PPP3CA: variants seen among roughly 807,000 people sequenced by gnomAD.
PPP3CA encodes the protein protein phosphatase 3 catalytic subunit alpha.
A neutral mutation model predicts 66.5 loss-of-function variants in PPP3CA; 14 were observed. The observed-to-expected ratio is 0.21, with a 90% CI of 0.14 to 0.33. The LOEUF (loss-of-function observed/expected upper bound fraction) is 0.33, where lower values mean the gene tolerates loss of function less well. PPP3CA is among the 10% of genes least tolerant of loss of function. PPP3CA has a pLI of 1.00. For missense variants in PPP3CA, 317 were observed against 639.5 expected (o/e 0.50, Z 5.44); for synonymous variants, 232 against 226.2 (o/e 1.03, Z -0.23).
At chr4:101,203,609 T>C (rs1725037238) in intron 1 of PPP3CA, among the ~76,000 whole-genome samples, 1 of 152,196 alleles carries the variant, frequency 6.6e-6, no homozygotes, top group African/African-American at 2.4e-5. Context: ...AATTTCAAAA[T>C]AGTTTTTAAA....
At chr4:101,221,708 G>A (rs1725630565) in intron 1 of PPP3CA, among the ~76,000 whole-genome samples, 1 of 151,534 alleles carries the variant, frequency 6.6e-6, no homozygotes, top group Non-Finnish European at 1.5e-5. Flanking sequence ...TTCATGGTTC[G>A]TGAATGTCAA....
At chr4:101,164,699 T>A (rs1416933946) in intron 2 of PPP3CA, among the ~76,000 whole-genome samples, 1 of 152,084 alleles carries the variant, frequency 6.6e-6, no homozygotes, top group Non-Finnish European at 1.5e-5. Flanking sequence ...GACTTGGATT[T>A]CATGGACCAG....
chr4:101,197,985 TGA>T (rs1189433914), intron 1 of PPP3CA, among the ~76,000 whole-genome samples: 1 of 152,256 alleles, frequency 6.6e-6, no homozygotes, highest in Non-Finnish European at 1.5e-5. Context: ...ATTCTAATAC[TGA>T]GAGATATTTA....
intron 1 of PPP3CA, among the ~76,000 whole-genome samples, chr4:101,280,101 C>T (rs537831276): frequency 4.6e-5 from 7 of 151,928 alleles, no homozygotes; most frequent in Admixed American, 2.0e-4. Flanking sequence ...AACACATTAG[C>T]GAATAAAATG....
At chr4:101,060,405 T>C (rs1017269759) in intron 10 of PPP3CA, among the ~76,000 whole-genome samples, 3 of 152,238 alleles carry the variant, frequency 2.0e-5, no homozygotes, top group Admixed American at 6.6e-5. Context: ...GCTCTTATGC[T>C]TTTCTTCTCT....
At chr4:101,316,600 C>G (rs532738223) in intron 1 of PPP3CA, among the ~76,000 whole-genome samples, 1 of 152,220 alleles carries the variant, frequency 6.6e-6, no homozygotes, top group South Asian at 2.1e-4. Flanking sequence ...GGATATTTAT[C>G]ATCTAAAATT....
In PPP3CA at chr4:101,276,904, T is replaced by C. The variant is rs115392129; in HGVS notation, c.58+69835A>G. On this transcript the variant is annotated intron_variant, in intron 1 of 13. Coordinates refer to ENST00000394854, the MANE Select transcript of PPP3CA (RefSeq NM_000944.5). ...TATTAACTAAAGCCCACAGTTTACA[T>C]TGAGGTTCATTCTTTGTGTTACACA... 5.0e-3 allele frequency among the ~76,000 whole-genome samples: 759 copies of C among 152,072 alleles called. 6 individuals are homozygous for C. The highest frequency in any genetic ancestry group is 0.017 in the African/African-American group (711 of 41,480).
intron 1 of PPP3CA, among the ~76,000 whole-genome samples, chr4:101,324,077 C>T (rs1729122215): frequency 6.6e-6 from 1 of 150,794 alleles, no homozygotes; most frequent in African/African-American, 2.4e-5. Flanking sequence ...CACTGCACTC[C>T]AGCCTGGGTG....
intron 1 of PPP3CA, among the ~76,000 whole-genome samples, chr4:101,259,445 C>T (rs1366921772): frequency 6.6e-6 from 1 of 152,080 alleles, no homozygotes; most frequent in Non-Finnish European, 1.5e-5. Context: ...CAGTTGCCCT[C>T]CACTCCACAG....
intron 1 of PPP3CA, among the ~76,000 whole-genome samples, chr4:101,320,517 C>T (rs746619468): frequency 5.1e-4 from 77 of 151,650 alleles, no homozygotes; most frequent in African/African-American, 1.1e-3. Context: ...CACACATACA[C>T]AGACAATATG....
intron 1 of PPP3CA, among the ~76,000 whole-genome samples, chr4:101,225,087 G>C (rs1725739172): frequency 6.6e-6 from 1 of 151,600 alleles, no homozygotes; most frequent in Admixed American, 6.6e-5. Flanking sequence ...ACCCCCTTTA[G>C]GTCTTCCTAC....
chr4:101,262,781 G>T (rs942508515), intron 1 of PPP3CA, among the ~76,000 whole-genome samples: 1 of 152,110 alleles, frequency 6.6e-6, no homozygotes, highest in Admixed American at 6.6e-5. Context: ...AAGCTTATGT[G>T]AGCTCTAACT....
chr4:101,103,645 C>A (rs1373814383), intron 3 of PPP3CA, among the ~76,000 whole-genome samples: 1 of 152,206 alleles, frequency 6.6e-6, no homozygotes, highest in Non-Finnish European at 1.5e-5. Context: ...AAACACAACA[C>A]CTCTTCACAC....
At chr4:101,045,416 A>C (rs1727718826) in intron 10 of PPP3CA, among the ~76,000 whole-genome samples, 1 of 152,210 alleles carries the variant, frequency 6.6e-6, no homozygotes, top group African/African-American at 2.4e-5. Context: ...GAAAATCTGC[A>C]AATGCTACAA....
intron 1 of PPP3CA, among the ~76,000 whole-genome samples, chr4:101,245,063 A>G (rs1360608566): frequency 3.9e-5 from 6 of 152,312 alleles, no homozygotes; most frequent in African/African-American, 1.2e-4. Flanking sequence ...AGATTCGTGA[A>G]TAGTTTTTCC....
chr4:101,110,783 A>G (rs1178585648), intron 2 of PPP3CA, among the ~76,000 whole-genome samples: 1 of 152,186 alleles, frequency 6.6e-6, no homozygotes, highest in African/African-American at 2.4e-5. Context: ...TATCTAAACC[A>G]AGGGGGAATA....
chr4:101,124,663 CAGAA>C (rs1227730298), intron 2 of PPP3CA, among the ~76,000 whole-genome samples: 2,591 of 55,156 alleles, frequency 0.047, 262 homozygotes, highest in East Asian at 0.062. Flanking sequence ...GAGAGAGAGA[CAGAA>C]AGAAAGAAAG....
In PPP3CA at chr4:101,155,067, G is replaced by A. The variant is rs181313096; in HGVS notation, c.259+40849C>T. On this transcript the variant is annotated intron_variant, in intron 2 of 13. Transcript: ENST00000394854. Reference sequence around the variant, plus strand: ...CTTGACCTCATGATCTGCCCGCCTCGGCCTCCCAAAGTGCTGGGATTACGG... The same window carrying A: ...CTTGACCTCATGATCTGCCCGCCTCAGCCTCCCAAAGTGCTGGGATTACGG... Among the ~76,000 whole-genome samples, 35 of 152,022 alleles carry A rather than the reference G, an allele frequency of 2.3e-4. No homozygotes were observed. The South Asian group carries it at 4.8e-3, about 21-fold the overall frequency.
At chr4:101,118,100 C>G (rs1352728444) in intron 2 of PPP3CA, among the ~76,000 whole-genome samples, 1 of 151,886 alleles carries the variant, frequency 6.6e-6, no homozygotes, top group Admixed American at 6.6e-5. Context: ...TTGGGCCTTC[C>G]AAGCCTATGT....
Sources: allele counts gnomAD v4.1 joint callset (sites outside exome capture counted in the v4.1 genomes callset), GRCh38; gene constraint gnomAD v4.1.1; transcripts MANE v1.5; gene names NCBI Gene and HGNC (gene_info 2026-07-23, HGNC 2026-07-21).